The following DMXL2 variants were observed in gnomAD, a reference collection of about 807,000 sequenced individuals.
DMXL2 encodes Dmx like 2, also known as dmX-like protein 2.
DMXL2 carries 103 observed loss-of-function variants against 331.1 expected under a neutral mutation model. The ratio of observed to expected loss-of-function variants is 0.31; its 90% CI spans 0.27 to 0.37. The LOEUF (loss-of-function observed/expected upper bound fraction) is 0.37. DMXL2 is among the 10% of genes least tolerant of loss of function. The pLI is 1.00. For synonymous variants in DMXL2, 1,281 were observed against 1,252.1 expected, an observed-to-expected ratio of 1.02 and a Z score of -0.49; for missense variants, 3,171 against 3,642.9, an observed-to-expected ratio of 0.87 and a Z score of 3.33.
At chr15:51,523,655 A>G (rs2047504626) in intron 13 of DMXL2, among the ~76,000 whole-genome samples, 1 of 96,166 alleles carries the variant, frequency 1.0e-5, no homozygotes, top group Non-Finnish European at 2.3e-5. Context: ...GACGAAGGCC[A>G]TGAGAAGACA....
chr15:51,552,816 A>T lies in DMXL2; in HGVS notation c.568-5408T>A, dbSNP rs529300540. Among the ~76,000 whole-genome samples the T allele has an allele frequency of 2.0e-5, 3 of 152,300 alleles. No homozygotes were observed. In the East Asian group the frequency reaches 5.8e-4, roughly 29 times the overall value. ...AACACCGCCTTTGGCTAAAGAATTC[A>T]AATTGCCAGAGAACTCCTGACTGTC... On this transcript the variant is annotated intron_variant, in intron 6 of 43. Coordinates refer to ENST00000560891, the MANE Select transcript of DMXL2 (RefSeq NM_001378457.1).
intron 13 of DMXL2, among the ~76,000 whole-genome samples, chr15:51,526,354 G>A (rs965963567): frequency 1.3e-5 from 2 of 152,196 alleles, no homozygotes; most frequent in African/African-American, 4.8e-5. Context: ...TGGGCTTGGG[G>A]TCCCCCCAAA....
At chr15:51,596,290 C>T (rs1175820188) in intron 1 of DMXL2, among the ~76,000 whole-genome samples, 1 of 152,192 alleles carries the variant, frequency 6.6e-6, no homozygotes, top group Non-Finnish European at 1.5e-5. Flanking sequence ...CAAAAGAAGA[C>T]ATTTATGCAG....
Position 51,588,115 on chromosome 15 carries a change from A to AGGTC in DMXL2, c.88-11938_88-11935dup, listed in dbSNP as rs1177563502. The stretch of plus-strand genomic sequence containing the variant: ...TTGCAGAATTTTTTTCCCATTCTGT[A>AGGTC]GGTCGCCTGTTCACTCTGATGGTGA... On this transcript the variant is annotated intron_variant, in intron 1 of 43. Transcript: ENST00000560891. 6.0e-5 allele frequency among the ~76,000 whole-genome samples: 9 copies of AGGTC among 149,218 alleles called. No individual in the cohort carries two copies. The East Asian group carries it at 1.7e-3, about 29-fold the overall frequency.
intron 9 of DMXL2, among the ~76,000 whole-genome samples, chr15:51,541,530 G>A (rs948504655): frequency 3.9e-5 from 6 of 151,970 alleles, no homozygotes; most frequent in African/African-American, 1.5e-4. Flanking sequence ...CTATAAAACA[G>A]CACATATCTA....
chr15:51,456,112 C>A lies in DMXL2; in HGVS notation c.8480G>T (p.Gly2827Val). ...ATATAATCTAGTAACTCTTGCATTG[C>A]CAGCTTGACGAAAGCAGACAAGTTG... ...PQQLVCFRQAGNARVTRLYFN... is the reference protein window; with the variant it reads ...PQQLVCFRQAVNARVTRLYFN... The change falls in exon 39 of 44, where the codon GGC (glycine) becomes GTC (valine). Residue 2827 changes from glycine (G) to valine (V), a missense_variant. By Grantham distance (109) the Gly-to-Val change is moderately radical. Coordinates refer to ENST00000560891, the MANE Select transcript of DMXL2 (RefSeq NM_001378457.1). 1 of 1,614,166 alleles carries A rather than the reference C, an allele frequency of 6.2e-7. No individual in the cohort carries two copies. The highest frequency in any genetic ancestry group is 1.1e-5 in the South Asian group (1 of 91,076).
rs769241615 is a variant in DMXL2, at chr15:51,486,257, G to A, written c.5298C>T (p.Ser1766=). ...RLYESEFETS[S]TYISILNQKI... is the part of the protein sequence containing the mutation. ...TCTGATTTAGGATGGATATATAAGT[G>A]GATGAAGTCTCAAATTCAGATTCAT... The change falls in exon 23 of 44, where the codon TCC becomes TCT. Residue 1766 remains serine (S), a synonymous_variant. Transcript: ENST00000560891. The A allele has an allele frequency of 2.5e-6, 4 of 1,612,946 alleles. No individual in the cohort carries two copies. The highest frequency in any genetic ancestry group is 1.3e-5 in the African/African-American group (1 of 74,876).
chr15:51,614,618 A>AT (rs1012733914), intron 1 of DMXL2, among the ~76,000 whole-genome samples: 19 of 152,116 alleles, frequency 1.2e-4, no homozygotes, highest in African/African-American at 4.6e-4. Flanking sequence ...AAGAAGTATT[A>AT]TAAAAAAATA....
At chr15:51,593,783 A>C (rs1044896014) in intron 1 of DMXL2, among the ~76,000 whole-genome samples, 17 of 152,234 alleles carry the variant, frequency 1.1e-4, no homozygotes, top group Non-Finnish European at 2.4e-4. Context: ...GCTCAACTAC[A>C]TGGAAACTCA....
chr15:51,471,155 A>T, intron 29 of DMXL2, 68 bp downstream of exon 29: 1 of 1,430,544 alleles, frequency 7.0e-7, no homozygotes, highest in African/African-American at 1.4e-5. Context: ...CCTATGTGAG[A>T]CACATGCAAG....
intron 6 of DMXL2, among the ~76,000 whole-genome samples, chr15:51,562,965 A>G (rs73401415): frequency 4.6e-5 from 7 of 152,306 alleles, no homozygotes; most frequent in African/African-American, 1.4e-4. Context: ...CAAGTTATTG[A>G]AGGACATGGA....
intron 22 of DMXL2, among the ~76,000 whole-genome samples, chr15:51,487,455 A>C (rs2042478182): frequency 6.6e-6 from 1 of 151,856 alleles, no homozygotes; most frequent in African/African-American, 2.4e-5. Flanking sequence ...CCATATATGA[A>C]ATTTTTCTTT....
chr15:51,528,459 A>T (rs2047809080), intron 13 of DMXL2, among the ~76,000 whole-genome samples: 1 of 152,196 alleles, frequency 6.6e-6, no homozygotes, highest in South Asian at 2.1e-4. Context: ...TGATATCAGT[A>T]TCATTATTTT....
Position 51,499,640 on chromosome 15 carries a change from C to G in DMXL2, c.3584G>C (p.Gly1195Ala). ...CTCAGTCACAATTCCTGAAAGCCTT[C>G]CATACATGAAGATATTCGCACCGAC... ...VGVGANIFMYGRLSGIVTEQT... is the reference protein window; with the variant it reads ...VGVGANIFMYARLSGIVTEQT... Residue 1195 changes from glycine (G) to alanine (A), a missense_variant, in exon 18 of 44, where the codon GGA becomes GCA. Gly to Ala is a moderately conservative substitution (Grantham distance 60). Around this residue, in one of 7 missense-constraint regions of DMXL2, gnomAD observed 1,674 missense variants for 1,780.2 expected, o/e 0.94. Transcript: ENST00000560891. 6.2e-7 allele frequency: 1 copy of G among 1,614,072 alleles called. No individual in the cohort carries two copies. Among genetic ancestry groups the G allele is most frequent in the Non-Finnish European group, 8.5e-7 (1 of 1,180,018 alleles).
Position 51,497,512 on chromosome 15 carries a change from T to C in DMXL2, c.4672+1040A>G, listed in dbSNP as rs2043267588. The stretch of plus-strand genomic sequence containing the variant: ...GCTAGAAGACTGTGATAATTAAATA[T>C]GATAAAGTAAAGAAAGTGCCTGAAA... On this transcript the variant is annotated intron_variant, in intron 18 of 43. Coordinates refer to ENST00000560891, the MANE Select transcript of DMXL2 (RefSeq NM_001378457.1). Among the ~76,000 whole-genome samples the C allele has an allele frequency of 2.0e-5, 3 of 152,212 alleles. No individual in the cohort carries two copies. In the South Asian group the frequency reaches 6.2e-4, roughly 31 times the overall value.
intron 1 of DMXL2, among the ~76,000 whole-genome samples, chr15:51,590,774 C>T (rs2052245013): frequency 6.6e-6 from 1 of 152,164 alleles, no homozygotes; most frequent in African/African-American, 2.4e-5. Context: ...TGAGCAGTTA[C>T]TCTAGACCAG....
intron 13 of DMXL2, among the ~76,000 whole-genome samples, chr15:51,533,065 A>ACAG (rs1183049192): frequency 1.3e-5 from 2 of 152,254 alleles, no homozygotes; most frequent in Non-Finnish European, 2.9e-5. Context: ...CATTAAAAAG[A>ACAG]CAGCACCCTT....
chr15:51,471,415 G>C lies in DMXL2; in HGVS notation c.7214-14C>G. ...GGACAGGAGGTGCTAAATGAAGATA[G>C]AAGGAAAAAAAAATCTAGCATTCAT... On this transcript the variant is annotated splice_polypyrimidine_tract_variant and intron_variant, in intron 28 of 43. Transcript: ENST00000560891. The C allele has an allele frequency of 2.6e-6, 4 of 1,553,696 alleles. No homozygotes were observed. Among genetic ancestry groups the C allele is most frequent in the Non-Finnish European group, 3.5e-6 (4 of 1,148,992 alleles).
chr15:51,594,337 C>T (rs1280301713), intron 1 of DMXL2, among the ~76,000 whole-genome samples: 3 of 152,194 alleles, frequency 2.0e-5, no homozygotes, highest in African/African-American at 7.2e-5. Context: ...AATTCCTCGA[C>T]ACATACACCC....
Sources: gnomAD v4.1 joint callset for allele counts (sites outside exome capture counted in the v4.1 genomes callset) on GRCh38, gnomAD v4.1.1 for gene constraint, gnomAD v4.1.1 regional missense constraint, MANE v1.5 for transcripts, NCBI Gene and HGNC (gene_info 2026-07-23, HGNC 2026-07-21) for gene names.